PLEKHA7: variants seen among roughly 807,000 people sequenced by gnomAD.
PLEKHA7 encodes pleckstrin homology domain-containing family A member 7.
A neutral mutation model predicts 170.0 loss-of-function variants in PLEKHA7; 104 were observed. The ratio of observed to expected loss-of-function variants is 0.61; its 90% CI spans 0.52 to 0.72. PLEKHA7 has a LOEUF of 0.72. PLEKHA7 is among the 30% of genes least tolerant of loss of function. PLEKHA7 has a pLI of 0.00. For synonymous variants in PLEKHA7, 648 were observed against 660.8 expected (o/e 0.98, Z 0.30); for missense variants, 1,615 against 1,671.7 (o/e 0.97, Z 0.59).
chr11:16,866,366 C>G (rs1248703939), intron 4 of PLEKHA7, among the ~76,000 whole-genome samples: 2 of 151,824 alleles, frequency 1.3e-5, no homozygotes, highest in Non-Finnish European at 2.9e-5. Context: ...CCAAGGCGGG[C>G]AGATCACCTG....
At chr11:16,881,213 A>T (rs913311662) in intron 3 of PLEKHA7, 4 of 152,212 alleles carry the variant, frequency 2.6e-5, no homozygotes, top group Admixed American at 6.5e-5. Context: ...AGCAAACTGA[A>T]TCCCTATGAA....
chr11:16,838,745 G>T (rs1851727241), intron 9 of PLEKHA7, among the ~76,000 whole-genome samples: 1 of 141,148 alleles, frequency 7.1e-6, no homozygotes, highest in Non-Finnish European at 1.5e-5. Flanking sequence ...CCCAGGCAGT[G>T]GTGCGATCTC....
chr11:16,853,283 T>C (rs1853138940), intron 6 of PLEKHA7, among the ~76,000 whole-genome samples: 1 of 152,246 alleles, frequency 6.6e-6, no homozygotes. Context: ...TGACAATTTC[T>C]AAACTGAAAT....
intron 24 of PLEKHA7, among the ~76,000 whole-genome samples, chr11:16,784,163 A>G (rs925253155): frequency 2.9e-4 from 44 of 151,940 alleles, no homozygotes; most frequent in African/African-American, 1.0e-3. Context: ...ACCCCTGATG[A>G]CCTCTCCAGC....
At chr11:16,951,949 G>A (rs563199353) in intron 3 of PLEKHA7, among the ~76,000 whole-genome samples, 17 of 152,284 alleles carry the variant, frequency 1.1e-4, no homozygotes, top group African/African-American at 4.1e-4. Flanking sequence ...GGAAACTAAG[G>A]TCTAACTGAG....
At chr11:16,993,160 G>A (rs543565792) in intron 3 of PLEKHA7, among the ~76,000 whole-genome samples, 1 of 152,148 alleles carries the variant, frequency 6.6e-6, no homozygotes, top group Non-Finnish European at 1.5e-5. Flanking sequence ...GCAAGCCCCT[G>A]CAGGTAAATG....
chr11:16,980,598 G>T (rs1863365268), intron 3 of PLEKHA7, among the ~76,000 whole-genome samples: 2 of 152,128 alleles, frequency 1.3e-5, no homozygotes, highest in South Asian at 4.1e-4. Context: ...GTTTTTGTTT[G>T]GTTTGGTTTG....
chr11:16,958,749 C>G (rs1861861167), intron 3 of PLEKHA7, among the ~76,000 whole-genome samples: 1 of 152,168 alleles, frequency 6.6e-6, no homozygotes, highest in Admixed American at 6.5e-5. Context: ...AAAATCGTAG[C>G]TATCATAATC....
intron 13 of PLEKHA7, 121 bp downstream of exon 13, chr11:16,812,992 T>G: frequency 1.4e-6 from 1 of 721,670 alleles, no homozygotes; most frequent in Non-Finnish European, 2.4e-6. Flanking sequence ...GGAGACATAT[T>G]GATTTAGAAT....
intron 17 of PLEKHA7, among the ~76,000 whole-genome samples, chr11:16,796,149 G>A (rs572458697): frequency 1.3e-5 from 2 of 152,162 alleles, no homozygotes; most frequent in Admixed American, 1.3e-4. Flanking sequence ...GTGAGCCACT[G>A]CACCTGGCCT....
chr11:17,011,866 C>G (rs1335554232), intron 3 of PLEKHA7, among the ~76,000 whole-genome samples: 1 of 152,196 alleles, frequency 6.6e-6, no homozygotes, highest in Non-Finnish European at 1.5e-5. Context: ...TCTCCTCCAC[C>G]CCAAACCGGC....
At chr11:16,909,733 T>C (rs996862538) in intron 3 of PLEKHA7, among the ~76,000 whole-genome samples, 1 of 152,218 alleles carries the variant, frequency 6.6e-6, no homozygotes, top group Non-Finnish European at 1.5e-5. Flanking sequence ...GATACTTAAG[T>C]TCATCTGCAT....
intron 3 of PLEKHA7, among the ~76,000 whole-genome samples, chr11:16,901,573 A>G (rs1352376667): frequency 1.3e-5 from 2 of 152,208 alleles, no homozygotes; most frequent in African/African-American, 4.8e-5. Flanking sequence ...CAATTCACTT[A>G]AAGTGTACAG....
chr11:16,977,772 C>T (rs1260665477), intron 3 of PLEKHA7, among the ~76,000 whole-genome samples: 1 of 152,164 alleles, frequency 6.6e-6, no homozygotes, highest in Non-Finnish European at 1.5e-5. Flanking sequence ...TAGATCAAGG[C>T]ACACAGTATG....
chr11:16,920,559 C>T (rs374874258), intron 3 of PLEKHA7, among the ~76,000 whole-genome samples: 91 of 152,250 alleles, frequency 6.0e-4, no homozygotes, highest in African/African-American at 2.0e-3. Context: ...TCTAAATTTC[C>T]CACAAAGTGT....
At chr11:16,944,416 A>G (rs550277215) in intron 3 of PLEKHA7, among the ~76,000 whole-genome samples, 136 of 149,938 alleles carry the variant, frequency 9.1e-4, no homozygotes, top group Non-Finnish European at 1.5e-3. Flanking sequence ...GGAGGCTGAG[A>G]CAGGAGAATC....
chr11:16,950,301 A>C (rs1861322459), intron 3 of PLEKHA7, among the ~76,000 whole-genome samples: 2 of 152,154 alleles, frequency 1.3e-5, no homozygotes, highest in African/African-American at 4.8e-5. Flanking sequence ...TAGCCTTCAA[A>C]GAAATGAAAG....
At chr11:16,923,095 C>T (rs1011713373) in intron 3 of PLEKHA7, among the ~76,000 whole-genome samples, 6 of 152,194 alleles carry the variant, frequency 3.9e-5, no homozygotes, top group Non-Finnish European at 8.8e-5. Context: ...TGCCCTCTCA[C>T]TCTCAGTGCC....
intron 4 of PLEKHA7, among the ~76,000 whole-genome samples, chr11:16,858,161 T>C (rs1853626854): frequency 6.6e-6 from 1 of 152,236 alleles, no homozygotes; most frequent in Non-Finnish European, 1.5e-5. Flanking sequence ...TTTGTAACAC[T>C]TGGTATGGTT....
Sources: allele counts gnomAD v4.1 joint callset (sites outside exome capture counted in the v4.1 genomes callset), GRCh38; gene constraint gnomAD v4.1.1; transcripts MANE v1.5; gene names NCBI Gene and HGNC (gene_info 2026-07-23, HGNC 2026-07-21).